ITGA9: variants seen among roughly 807,000 people sequenced by gnomAD.
ITGA9 encodes integrin alpha-9.
In ITGA9, 56 loss-of-function variants were observed where a neutral mutation model predicts 127.8. The observed-to-expected ratio is 0.44, with a 90% CI of 0.35 to 0.55. ITGA9 has a LOEUF of 0.55. ITGA9 is among the 20% of genes least tolerant of loss of function. ITGA9 has a pLI of 0.00. For missense variants in ITGA9, 1,196 were observed against 1,347.1 expected (o/e 0.89, Z 1.76); for synonymous variants, 508 against 514.5 (o/e 0.99, Z 0.17).
chr3:37,470,903 G>T, intron 1 of ITGA9, 104 bp from the exon 2 acceptor site: 3 of 1,139,388 alleles, frequency 2.6e-6, no homozygotes. Context: ...GATTTTCAAA[G>T]TGAGCACTCA....
intron 27 of ITGA9, chr3:37,818,191 T>TTAAAAAAAAAAA (rs1553674108): frequency 7.2e-4 from 23 of 31,968 alleles, no homozygotes; most frequent in African/African-American, 2.0e-3. Flanking sequence ...TAAGACTCTC[T>TTAAAAAAAAAAA]AAAAAAAAAA....
At chr3:37,588,028 G>C (rs906598651) in intron 15 of ITGA9, among the ~76,000 whole-genome samples, 4 of 152,206 alleles carry the variant, frequency 2.6e-5, no homozygotes, top group Non-Finnish European at 4.4e-5. Context: ...AAGGGAGAGG[G>C]ATCAGCTCTT....
At chr3:37,471,221 C>A in intron 2 of ITGA9, 87 bp downstream of exon 2, 2 of 1,441,052 alleles carry the variant, frequency 1.4e-6, no homozygotes, top group Non-Finnish European at 2.0e-6. Context: ...TGATCATTCA[C>A]TCACCCATCC....
At chr3:37,594,260 A>G (rs1179963902) in intron 15 of ITGA9, among the ~76,000 whole-genome samples, 1 of 152,090 alleles carries the variant, frequency 6.6e-6, no homozygotes, top group Non-Finnish European at 1.5e-5. Flanking sequence ...ATGTACGTTT[A>G]TACCAGGAGC....
intron 18 of ITGA9, among the ~76,000 whole-genome samples, chr3:37,696,547 C>T (rs1345599163): frequency 2.6e-5 from 4 of 152,174 alleles, no homozygotes; most frequent in Non-Finnish European, 5.9e-5. Context: ...GTTCCAGAAC[C>T]CCTGTCCTTC....
At chr3:37,652,732 A>G (rs907993055) in intron 16 of ITGA9, among the ~76,000 whole-genome samples, 17 of 152,166 alleles carry the variant, frequency 1.1e-4, no homozygotes, top group African/African-American at 4.1e-4. Flanking sequence ...AAGTTTAATA[A>G]TGAGTAAATT....
chr3:37,541,540 T>A (rs186227464), intron 14 of ITGA9, among the ~76,000 whole-genome samples: 1 of 152,210 alleles, frequency 6.6e-6, no homozygotes, highest in Non-Finnish European at 1.5e-5. Context: ...ACTGTGATCA[T>A]CTTTTTTTTC....
At chr3:37,641,818 C>G (rs1169649737) in intron 16 of ITGA9, among the ~76,000 whole-genome samples, 1 of 152,196 alleles carries the variant, frequency 6.6e-6, no homozygotes, top group African/African-American at 2.4e-5. Context: ...ATGCTGATAC[C>G]TCATCTAGAA....
chr3:37,600,969 G>C (rs1699917526), intron 15 of ITGA9, among the ~76,000 whole-genome samples: 1 of 152,226 alleles, frequency 6.6e-6, no homozygotes. Context: ...GCAAATGCTA[G>C]TTTAGTAAAT....
intron 23 of ITGA9, among the ~76,000 whole-genome samples, chr3:37,760,984 G>A (rs1696716947): frequency 6.6e-6 from 1 of 152,148 alleles, no homozygotes; most frequent in Non-Finnish European, 1.5e-5. Context: ...TATATGAACA[G>A]GAAATTCACA....
At chr3:37,515,626 C>T (rs1053936298) in intron 9 of ITGA9, among the ~76,000 whole-genome samples, 3 of 152,148 alleles carry the variant, frequency 2.0e-5, no homozygotes, top group African/African-American at 7.2e-5. Flanking sequence ...CCTGTGGTCC[C>T]AGCTGAGGCT....
chr3:37,610,131 A>G (rs13098572), intron 15 of ITGA9, among the ~76,000 whole-genome samples: 79,487 of 151,968 alleles, frequency 0.52, 21,374 homozygotes, highest in East Asian at 0.6. Flanking sequence ...ATGGATAAGT[A>G]GGAATAAGCA....
At chr3:37,762,195 G>T (rs1559591120) in intron 23 of ITGA9, among the ~76,000 whole-genome samples, 2 of 152,208 alleles carry the variant, frequency 1.3e-5, no homozygotes, top group Admixed American at 1.3e-4. Context: ...TGCCACAACT[G>T]TACAGTGTGG....
chr3:37,687,734 T>C (rs1450079502), intron 18 of ITGA9, among the ~76,000 whole-genome samples: 1 of 152,174 alleles, frequency 6.6e-6, no homozygotes, highest in Non-Finnish European at 1.5e-5. Context: ...TGCCCTCCAT[T>C]GTGACGTCAA....
intron 18 of ITGA9, among the ~76,000 whole-genome samples, chr3:37,704,819 G>C (rs1049121781): frequency 6.6e-6 from 1 of 152,208 alleles, no homozygotes; most frequent in East Asian, 1.9e-4. Flanking sequence ...TAGTTTCCTA[G>C]TGTGCAGAGT....
intron 26 of ITGA9, among the ~76,000 whole-genome samples, chr3:37,801,132 T>G: frequency 6.6e-6 from 1 of 151,974 alleles, no homozygotes. Context: ...CCCACCGCAC[T>G]GCAGCCTGAG....
intron 15 of ITGA9, among the ~76,000 whole-genome samples, chr3:37,575,968 A>G (rs1190562068): frequency 6.6e-6 from 1 of 152,224 alleles, no homozygotes. Context: ...CAAAACCCAG[A>G]GTCAAGTAAA....
intron 17 of ITGA9, among the ~76,000 whole-genome samples, chr3:37,680,649 T>A (rs1700726474): frequency 1.3e-5 from 2 of 152,142 alleles, no homozygotes. Context: ...ATCTATACTG[T>A]CTCCCTGCCA....
At position 37,452,923 on chromosome 3, in the gene ITGA9, C is replaced by T. The variant is rs1698212313; in HGVS notation, c.185+364C>T. 6.6e-6 allele frequency among the ~76,000 whole-genome samples: 1 copy of T among 152,208 alleles called. No homozygotes were observed. The highest frequency in any genetic ancestry group is 1.5e-5 in the Non-Finnish European group (1 of 68,034). On this transcript the variant is annotated intron_variant, in intron 1 of 27. Coordinates refer to ENST00000264741, the MANE Select transcript of ITGA9 (RefSeq NM_002207.3). This position sits in a 1 kb window ranked among gnomAD's most constrained non-coding sequence, Gnocchi z 7.3. ...GGCTCCTCTGCCTCCGGGCGGCCGC[C>T]GCTGGCCCAGCGAGCCTCCTGAACC...
Sources: gnomAD v4.1 joint callset for allele counts (sites outside exome capture counted in the v4.1 genomes callset) on GRCh38, gnomAD v4.1.1 for gene constraint, Gnocchi (gnomAD v3.1) non-coding constraint, MANE v1.5 for transcripts, NCBI Gene and HGNC (gene_info 2026-07-23, HGNC 2026-07-21) for gene names.